The following PAX2 variants were observed in gnomAD, a reference collection of about 807,000 sequenced individuals.
PAX2 encodes paired box protein Pax-2.
Under a neutral mutation model 41.7 loss-of-function variants are expected in PAX2, and 9 were observed. The observed-to-expected ratio is 0.22, with a 90% CI of 0.13 to 0.38. PAX2 has a LOEUF of 0.38. Ranked by LOEUF, PAX2 falls within the 10% of genes least tolerant of loss-of-function variation. PAX2 has a pLI of 1.00. For synonymous variants in PAX2, 221 were observed against 212.7 expected (o/e 1.04, Z -0.34); for missense variants, 418 against 531.6 (o/e 0.79, Z 2.10).
chr10:100,745,527 G>C (rs972216116), upstream of PAX2, among the ~76,000 whole-genome samples: 37 of 152,116 alleles, frequency 2.4e-4, no homozygotes, highest in Non-Finnish European at 4.7e-4. Flanking sequence ...GGGGGAGGAG[G>C]TCTGGAGGGG....
chr10:100,762,552 C>T (rs1011843999), intron 3 of PAX2, among the ~76,000 whole-genome samples: 11 of 152,148 alleles, frequency 7.2e-5, no homozygotes, highest in East Asian at 1.9e-4. Context: ...TTACTGAGAA[C>T]ATAAATTAAG....
At chr10:100,780,944 C>T (rs1205715493) in intron 4 of PAX2, among the ~76,000 whole-genome samples, 11 of 152,300 alleles carry the variant, frequency 7.2e-5, no homozygotes, top group African/African-American at 2.6e-4. Context: ...TGTACTCCAT[C>T]CGTCTTTAGG....
intron 1 of PAX2, chr10:100,747,826 G>T: frequency 2.0e-6 from 2 of 985,072 alleles, no homozygotes; most frequent in Non-Finnish European, 2.4e-6. Flanking sequence ...GGGTCCACAC[G>T]CCGTTTTCGC....
Position 100,748,121 on chromosome 10 carries a change from C to T in PAX2, c.44-1625C>T. The stretch of plus-strand genomic sequence containing the variant: ...GCAGTCCCCCAGCCCTGGACTCCCG[C>T]CGTGTCCCCTTCCCATCCCCACCCC... On this transcript the variant is annotated intron_variant, in intron 1 of 9. Transcript: ENST00000355243. The surrounding 1 kb of genome is among the most constrained non-coding windows in gnomAD (Gnocchi z 5.0). 3 of 985,200 alleles carry T rather than the reference C, an allele frequency of 3.0e-6. No homozygotes were observed. The highest frequency in any genetic ancestry group is 3.6e-6 in the Non-Finnish European group (3 of 829,918). 61.0% of individuals were successfully genotyped at this position (985,200 alleles called of 1,614,324 possible). A position where few individuals can be genotyped will look rare whatever the true frequency, so the allele number is the denominator to read the frequency against.
intron 5 of PAX2, among the ~76,000 whole-genome samples, chr10:100,787,434 G>C (rs1292791159): frequency 1.3e-5 from 2 of 152,122 alleles, no homozygotes; most frequent in Non-Finnish European, 2.9e-5. Flanking sequence ...TAATTTTCTG[G>C]AAAGAATGGA....
At chr10:100,785,414 G>A (rs894346929) in intron 5 of PAX2, among the ~76,000 whole-genome samples, 3 of 152,118 alleles carry the variant, frequency 2.0e-5, no homozygotes, top group Non-Finnish European at 4.4e-5. Flanking sequence ...AGATTGCAGG[G>A]GGCCATGATT....
chr10:100,792,895 C>G (rs1427212470), intron 5 of PAX2, among the ~76,000 whole-genome samples: 1 of 152,188 alleles, frequency 6.6e-6, no homozygotes, highest in African/African-American at 2.4e-5. Flanking sequence ...ATTAATAAAG[C>G]CCCCAACACA....
At chr10:100,812,435 C>T (rs1848025475) in intron 7 of PAX2, among the ~76,000 whole-genome samples, 3 of 152,282 alleles carry the variant, frequency 2.0e-5, no homozygotes, top group African/African-American at 7.2e-5. Context: ...GAATGGGTCA[C>T]GGGCATTCTG....
chr10:100,799,531 G>A (rs1452191698), intron 5 of PAX2, among the ~76,000 whole-genome samples: 1 of 152,188 alleles, frequency 6.6e-6, no homozygotes, highest in African/African-American at 2.4e-5. Flanking sequence ...AGGCAAACAT[G>A]GTAGAGTGGA....
chr10:100,776,512 G>T (rs1846392938), intron 3 of PAX2, among the ~76,000 whole-genome samples: 1 of 152,124 alleles, frequency 6.6e-6, no homozygotes, highest in Non-Finnish European at 1.5e-5. Context: ...CCTTTGCAAG[G>T]TCAGTTTCTT....
rs1353090509 is a variant in PAX2, at chr10:100,748,058, C to T, written c.44-1688C>T. ...CGCAGCCCGAGTCGGTGCTGGCGGC[C>T]GTGGCGCATTCCAGGCCCGACTCAG... is the stretch of plus-strand genomic sequence containing the variant. On this transcript the variant is annotated intron_variant, in intron 1 of 9. Coordinates refer to ENST00000355243, the MANE Select transcript of PAX2 (RefSeq NM_000278.5). The surrounding 1 kb of genome is among the most constrained non-coding windows in gnomAD (Gnocchi z 5.0). 3.0e-6 allele frequency: 3 copies of T among 984,948 alleles called. No individual in the cohort carries two copies. The highest frequency in any genetic ancestry group is 3.6e-6 in the Non-Finnish European group (3 of 829,848). 61.0% of individuals were successfully genotyped at this position (984,948 alleles called of 1,614,324 possible).
chr10:100,803,296 C>G (rs1414574130), intron 5 of PAX2, among the ~76,000 whole-genome samples: 1 of 152,066 alleles, frequency 6.6e-6, no homozygotes, highest in Non-Finnish European at 1.5e-5. Flanking sequence ...TTCTTTCTGC[C>G]CTTCCACGCC....
At chr10:100,766,691 T>C (rs1471549605) in intron 3 of PAX2, among the ~76,000 whole-genome samples, 1 of 152,226 alleles carries the variant, frequency 6.6e-6, no homozygotes, top group Non-Finnish European at 1.5e-5. Context: ...CCTGCATCTC[T>C]AGAATCTTCC....
At chr10:100,797,310 T>TCAGTTTCCCCCAGG (rs1847373627) in intron 5 of PAX2, among the ~76,000 whole-genome samples, 1 of 152,244 alleles carries the variant, frequency 6.6e-6, no homozygotes, top group Non-Finnish European at 1.5e-5. Flanking sequence ...GTAAATTACC[T>TCAGTTTCCCCCAGG]AATCTCTCTA....
At chr10:100,764,841 T>C (rs1845965282) in intron 3 of PAX2, among the ~76,000 whole-genome samples, 1 of 152,044 alleles carries the variant, frequency 6.6e-6, no homozygotes, top group Non-Finnish European at 1.5e-5. Context: ...TAAAATGAAA[T>C]GGTAGTGGGG....
intron 3 of PAX2, among the ~76,000 whole-genome samples, chr10:100,757,725 A>C (rs1253150974): frequency 6.6e-6 from 1 of 152,238 alleles, no homozygotes; most frequent in Non-Finnish European, 1.5e-5. Context: ...TGAGGGGCAT[A>C]GGGAAGAGGC....
intron 5 of PAX2, among the ~76,000 whole-genome samples, chr10:100,802,806 G>A (rs1020330419): frequency 1.1e-4 from 16 of 152,072 alleles, no homozygotes; most frequent in Admixed American, 6.5e-4. Context: ...TCACTCACGC[G>A]CTCTCCTTCC....
intron 5 of PAX2, among the ~76,000 whole-genome samples, chr10:100,796,096 C>A (rs1847322842): frequency 1.3e-5 from 2 of 152,132 alleles, no homozygotes; most frequent in African/African-American, 4.8e-5. Context: ...TGTCATGTAT[C>A]CTGCATAAGA....
chr10:100,768,381 T>A (rs934090778), intron 3 of PAX2, among the ~76,000 whole-genome samples: 2 of 152,168 alleles, frequency 1.3e-5, no homozygotes, highest in African/African-American at 2.4e-5. Context: ...ACTAGATAGA[T>A]GAAAATAATT....
Sources: allele counts gnomAD v4.1 joint callset (sites outside exome capture counted in the v4.1 genomes callset), GRCh38; gene constraint gnomAD v4.1.1; non-coding constraint Gnocchi (gnomAD v3.1); transcripts MANE v1.5; gene names NCBI Gene and HGNC (gene_info 2026-07-23, HGNC 2026-07-21).